Variants in MICU1 observed in about 807,000 individuals in gnomAD.
The protein encoded by MICU1 is calcium uptake protein 1, mitochondrial.
Under a neutral mutation model 56.8 loss-of-function variants are expected in MICU1, and 45 were observed. The observed-to-expected ratio is 0.79, with a 90% CI of 0.62 to 1.02. The LOEUF is 1.02. Among genes scored for constraint, MICU1 ranks in the 50% least tolerant of loss-of-function variants. The pLI, the probability that MICU1 is intolerant of heterozygous loss-of-function variation, is 0.00. For synonymous variants in MICU1, 186 were observed against 195.1 expected, an observed-to-expected ratio of 0.95 and a Z score of 0.39; for missense variants, 504 against 587.1, an observed-to-expected ratio of 0.86 and a Z score of 1.46.
intron 8 of MICU1, among the ~76,000 whole-genome samples, chr10:72,456,942 C>A (rs1865485258): frequency 9.6e-6 from 1 of 104,186 alleles, no homozygotes; most frequent in African/African-American, 4.6e-5. Context: ...CACTATATTG[C>A]CCAGGTGTGT....
At chr10:72,519,916 T>C (rs76077942) in intron 5 of MICU1, among the ~76,000 whole-genome samples, 17 of 152,310 alleles carry the variant, frequency 1.1e-4, no homozygotes, top group Non-Finnish European at 2.1e-4. Context: ...CTTTGGCATA[T>C]AGAAAATGTG....
At chr10:72,411,132 T>C (rs1863797087) in intron 9 of MICU1, among the ~76,000 whole-genome samples, 1 of 152,152 alleles carries the variant, frequency 6.6e-6, no homozygotes, top group African/African-American at 2.4e-5. Context: ...AAGATAATAC[T>C]GTATGACTGC....
chr10:72,564,256 C>T (rs185963129), intron 2 of MICU1, among the ~76,000 whole-genome samples: 3 of 152,132 alleles, frequency 2.0e-5, no homozygotes, highest in Admixed American at 2.0e-4. Flanking sequence ...AAAATGGTGG[C>T]CTGGCCAGGC....
chr10:72,407,858 G>T, intron 10 of MICU1, 71 bp downstream of exon 10: 1 of 955,282 alleles, frequency 1.0e-6, no homozygotes, highest in Non-Finnish European at 1.6e-6. Flanking sequence ...CTGTTCAGGA[G>T]GGGCAGTCAC....
At chr10:72,530,335 AAATAATAATAAT>A (rs372087915) in intron 5 of MICU1, among the ~76,000 whole-genome samples, 4,047 of 64,912 alleles carry the variant, frequency 0.062, 216 homozygotes, top group African/African-American at 0.14. Context: ...CTCCATATCA[AAATAATAATAAT>A]AATAATAATA....
At chr10:72,398,594 G>A (rs59342406) in intron 10 of MICU1, among the ~76,000 whole-genome samples, 10,860 of 151,982 alleles carry the variant, frequency 0.071, 1,330 homozygotes, top group African/African-American at 0.25. Flanking sequence ...GACACAGTAA[G>A]AAATGATAAC....
At chr10:72,587,677 G>A (rs1281518370) in intron 1 of MICU1, among the ~76,000 whole-genome samples, 1 of 151,910 alleles carries the variant, frequency 6.6e-6, no homozygotes, top group Non-Finnish European at 1.5e-5. Context: ...CTAGCTACCT[G>A]GGTGTCTGAG....
intron 1 of MICU1, among the ~76,000 whole-genome samples, chr10:72,571,768 AAAAC>A (rs958336261): frequency 6.6e-6 from 1 of 152,252 alleles, no homozygotes; most frequent in African/African-American, 2.4e-5. Context: ...TTTCCAAAGA[AAAAC>A]AAAATGTAGT....
At position 72,442,263 on chromosome 10, in the gene MICU1, C is replaced by T. The variant is rs1372425733; in HGVS notation, c.934-18892G>A. ...GTTCAAGCAATTCTTGTGCCTCAGCCTCCTGAGTAGCTGGGACTGCAGGTG... is the reference window on the plus strand; with the variant it reads ...GTTCAAGCAATTCTTGTGCCTCAGCTTCCTGAGTAGCTGGGACTGCAGGTG... On this transcript the variant is annotated intron_variant, in intron 8 of 11. Coordinates refer to ENST00000361114, the MANE Select transcript of MICU1 (RefSeq NM_001195518.2). Among the ~76,000 whole-genome samples, 4 of 152,168 alleles carry T rather than the reference C, an allele frequency of 2.6e-5. No individual in the cohort carries two copies. In the East Asian group the frequency reaches 7.7e-4, roughly 29 times the overall value.
intron 4 of MICU1, among the ~76,000 whole-genome samples, chr10:72,534,620 T>C (rs1260506434): frequency 6.6e-6 from 1 of 152,198 alleles, no homozygotes; most frequent in Non-Finnish European, 1.5e-5. Flanking sequence ...GCATAATTAT[T>C]CAGTTATTTT....
chr10:72,394,675 C>CA, intron 10 of MICU1, among the ~76,000 whole-genome samples: 1 of 150,940 alleles, frequency 6.6e-6, no homozygotes, highest in South Asian at 2.1e-4. Context: ...CAAAAGCAAA[C>CA]AAAAAATGTG....
intron 6 of MICU1, among the ~76,000 whole-genome samples, chr10:72,480,728 A>C (rs571791261): frequency 7.9e-5 from 12 of 152,334 alleles, no homozygotes; most frequent in African/African-American, 2.6e-4. Context: ...TCTCTCCACA[A>C]TTACAGAGGT....
intron 1 of MICU1, among the ~76,000 whole-genome samples, chr10:72,590,806 C>T (rs1245281330): frequency 6.8e-6 from 1 of 147,792 alleles, no homozygotes; most frequent in Non-Finnish European, 1.5e-5. Flanking sequence ...GAGTGAGACA[C>T]GGTCTCAAAA....
At chr10:72,584,539 C>T (rs896828755) in intron 1 of MICU1, among the ~76,000 whole-genome samples, 1 of 148,034 alleles carries the variant, frequency 6.8e-6, no homozygotes, top group African/African-American at 2.5e-5. Context: ...AGCTATAGAG[C>T]TTTAATAGTT....
At position 72,566,622 on chromosome 10, in the gene MICU1, A is replaced by G. The variant is rs1229501703; in HGVS notation, c.161+11T>C. ...GTATACGCAAGAACAAGATGGTTGG[A>G]TAACACTCACCTCTTCCACAAAAGA... On this transcript the variant is annotated intron_variant, in intron 2 of 11. Transcript: ENST00000361114. 6.2e-7 allele frequency: 1 copy of G among 1,608,544 alleles called. No individual in the cohort carries two copies. Among genetic ancestry groups the G allele is most frequent in the Non-Finnish European group, 8.5e-7 (1 of 1,177,602 alleles).
At chr10:72,549,590 C>T (rs1839981597) in intron 4 of MICU1, among the ~76,000 whole-genome samples, 1 of 152,060 alleles carries the variant, frequency 6.6e-6, no homozygotes, top group Non-Finnish European at 1.5e-5. Context: ...CAAAACCCAA[C>T]TCAAATAGCA....
intron 8 of MICU1, among the ~76,000 whole-genome samples, chr10:72,451,024 CTT>C (rs34430004): frequency 1.1e-4 from 13 of 114,992 alleles, no homozygotes; most frequent in Admixed American, 3.0e-4. Context: ...TCCCTTAAAT[CTT>C]TTTTTTTTTT....
chr10:72,528,553 T>C (rs1868028492), intron 5 of MICU1, among the ~76,000 whole-genome samples: 1 of 152,170 alleles, frequency 6.6e-6, no homozygotes, highest in South Asian at 2.1e-4. Flanking sequence ...CAGAATTACA[T>C]GTCATATTAA....
chr10:72,576,201 T>A (rs560143537), intron 1 of MICU1, among the ~76,000 whole-genome samples: 125 of 93,570 alleles, frequency 1.3e-3, no homozygotes, highest in Non-Finnish European at 1.9e-3. Context: ...GCAACACAAG[T>A]CAAACTCCGT....
Sources: gnomAD v4.1 joint callset for allele counts (sites outside exome capture counted in the v4.1 genomes callset) on GRCh38, gnomAD v4.1.1 for gene constraint, MANE v1.5 for transcripts, NCBI Gene and HGNC (gene_info 2026-07-23, HGNC 2026-07-21) for gene names.